ADGRB3: variants seen among roughly 807,000 people sequenced by gnomAD.
ADGRB3 encodes adhesion G protein-coupled receptor B3, also known as brain-specific angiogenesis inhibitor 3.
In ADGRB3, 37 loss-of-function variants were observed where a neutral mutation model predicts 193.4. The observed-to-expected ratio is 0.19, with a 90% CI of 0.15 to 0.25. The LOEUF (loss-of-function observed/expected upper bound fraction) is 0.25, where lower values mean the gene tolerates loss of function less well. Ranked by LOEUF, ADGRB3 falls within the 10% of genes least tolerant of loss-of-function variation. The probability of loss-of-function intolerance (pLI) is 1.00; values close to 1 mark genes in which losing one functional copy is unlikely to be tolerated. For synonymous variants in ADGRB3, 690 were observed against 644.2 expected (o/e 1.07, Z -1.08); for missense variants, 1,637 against 1,852.9 (o/e 0.88, Z 2.14).
chr6:68,931,587 TCAAGTA>T (rs1767339450), intron 4 of ADGRB3, among the ~76,000 whole-genome samples: 3 of 152,148 alleles, frequency 2.0e-5, no homozygotes, highest in Admixed American at 6.6e-5. Context: ...TACAGAAGTT[TCAAGTA>T]CATGACCAGT....
rs150127062 is a variant in ADGRB3, at chr6:69,143,183, T to C, written c.2480+67145T>C. ...CCAGTTTGCCATTTGTACGTCTTGT[T>C]TTGAGAAATATCTATTTAGGTGTTT... On this transcript the variant is annotated intron_variant, in intron 17 of 31. Transcript: ENST00000370598. Among the ~76,000 whole-genome samples, 26 of 152,340 alleles carry C rather than the reference T, an allele frequency of 1.7e-4. 1 individual carries two copies. The highest frequency in any genetic ancestry group is 5.5e-4 in the African/African-American group (23 of 41,578).
Position 68,942,694 on chromosome 6 carries a change from C to T in ADGRB3, c.1031-1136C>T, listed in dbSNP as rs527526410. Among the ~76,000 whole-genome samples, 3 of 152,064 alleles carry T rather than the reference C, an allele frequency of 2.0e-5. No homozygotes were observed. The East Asian group carries it at 5.8e-4, about 29-fold the overall frequency. On this transcript the variant is annotated intron_variant, in intron 5 of 31. Coordinates refer to ENST00000370598, the MANE Select transcript of ADGRB3 (RefSeq NM_001704.3). Reference sequence around the variant, plus strand: ...GGCATGATCTCACTTCACTGCAGCCCCCACCTTCCAGATTCAAGGGATTCT... The same window carrying T: ...GGCATGATCTCACTTCACTGCAGCCTCCACCTTCCAGATTCAAGGGATTCT...
intron 13 of ADGRB3, among the ~76,000 whole-genome samples, chr6:69,041,976 C>G (rs979155322): frequency 3.9e-5 from 6 of 152,154 alleles, no homozygotes; most frequent in African/African-American, 1.4e-4. Flanking sequence ...CTCATAATCC[C>G]CATGTGTCCT....
chr6:68,714,488 A>G (rs908494137), intron 3 of ADGRB3, among the ~76,000 whole-genome samples: 1 of 151,790 alleles, frequency 6.6e-6, no homozygotes, highest in African/African-American at 2.4e-5. Context: ...GATGAAAAAT[A>G]TTGAGGAGGT....
chr6:69,068,636 A>G (rs1332027653), intron 16 of ADGRB3, among the ~76,000 whole-genome samples: 2 of 152,152 alleles, frequency 1.3e-5, no homozygotes, highest in African/African-American at 4.8e-5. Context: ...ACTGCTTCCC[A>G]TATGACAAGT....
intron 10 of ADGRB3, among the ~76,000 whole-genome samples, chr6:68,991,209 T>C (rs1266670819): frequency 6.6e-6 from 1 of 152,160 alleles, no homozygotes; most frequent in African/African-American, 2.4e-5. Context: ...CTTAATCCTA[T>C]GACCTAACAA....
intron 20 of ADGRB3, among the ~76,000 whole-genome samples, chr6:69,308,044 T>C (rs994213282): frequency 6.6e-6 from 1 of 151,494 alleles, no homozygotes; most frequent in Non-Finnish European, 1.5e-5. Context: ...GTAAGAAGTT[T>C]TAGATGTCTA....
At chr6:69,296,440 G>A (rs962931997) in intron 20 of ADGRB3, among the ~76,000 whole-genome samples, 23 of 151,966 alleles carry the variant, frequency 1.5e-4, no homozygotes, top group Non-Finnish European at 2.6e-4. Context: ...TTCGGGACAT[G>A]GCAATATTTT....
intron 17 of ADGRB3, among the ~76,000 whole-genome samples, chr6:69,136,825 T>C (rs1774163149): frequency 6.6e-6 from 1 of 152,102 alleles, no homozygotes; most frequent in African/African-American, 2.4e-5. Context: ...AATTTATCTT[T>C]CTACTTTGAA....
intron 3 of ADGRB3, among the ~76,000 whole-genome samples, chr6:68,651,944 G>A (rs9454601): frequency 0.055 from 8,397 of 152,130 alleles, 749 homozygotes; most frequent in African/African-American, 0.19. Flanking sequence ...CCAAGTATGT[G>A]TAAGGACTGT....
intron 3 of ADGRB3, among the ~76,000 whole-genome samples, chr6:68,681,047 G>A (rs548261265): frequency 2.0e-5 from 3 of 152,212 alleles, no homozygotes; most frequent in South Asian, 2.1e-4. Context: ...GCCTCAAGAA[G>A]CTTTCATCAT....
chr6:69,024,311 G>GT (rs1770359965), intron 13 of ADGRB3, among the ~76,000 whole-genome samples: 1 of 152,128 alleles, frequency 6.6e-6, no homozygotes, highest in African/African-American at 2.4e-5. Context: ...ATAAAGTTCA[G>GT]TGTCTTAAGT....
intron 29 of ADGRB3, among the ~76,000 whole-genome samples, chr6:69,371,930 TG>T (rs1769715726): frequency 1.3e-5 from 2 of 152,112 alleles, no homozygotes; most frequent in Admixed American, 6.5e-5. Flanking sequence ...TGAAGAACTT[TG>T]GGACTTAGAG....
intron 26 of ADGRB3, among the ~76,000 whole-genome samples, chr6:69,351,267 A>AT (rs1442357692): frequency 2.0e-5 from 3 of 150,396 alleles, no homozygotes; most frequent in South Asian, 2.1e-4. Context: ...TAATTTTTGT[A>AT]TTTTTTTAGT....
chr6:69,101,323 C>T (rs1351338036), intron 17 of ADGRB3, among the ~76,000 whole-genome samples: 2 of 152,008 alleles, frequency 1.3e-5, no homozygotes, highest in Admixed American at 6.5e-5. Context: ...AAAAATTTGC[C>T]TAAATTTTAT....
intron 3 of ADGRB3, among the ~76,000 whole-genome samples, chr6:68,832,846 A>G (rs906667391): frequency 2.0e-5 from 3 of 152,168 alleles, no homozygotes; most frequent in Admixed American, 6.5e-5. Flanking sequence ...GGAGAACACT[A>G]TCTGTTCTGT....
intron 20 of ADGRB3, among the ~76,000 whole-genome samples, chr6:69,285,017 C>CA (rs1442949085): frequency 5.9e-5 from 9 of 151,984 alleles, no homozygotes; most frequent in East Asian, 3.9e-4. Flanking sequence ...AGTTGACAAT[C>CA]AAAAAAACAC....
chr6:69,101,265 T>C (rs1209068614), intron 17 of ADGRB3, among the ~76,000 whole-genome samples: 2 of 152,122 alleles, frequency 1.3e-5, no homozygotes, highest in Non-Finnish European at 2.9e-5. Flanking sequence ...TTAACGCATA[T>C]AGCATGTATG....
chr6:69,315,825 A>G (rs1582626764), intron 20 of ADGRB3, among the ~76,000 whole-genome samples: 1 of 151,466 alleles, frequency 6.6e-6, no homozygotes, highest in East Asian at 1.9e-4. Context: ...CTTTATATGT[A>G]GGAATTAGTT....
Sources: allele counts gnomAD v4.1 joint callset (sites outside exome capture counted in the v4.1 genomes callset), GRCh38; gene constraint gnomAD v4.1.1; transcripts MANE v1.5; gene names NCBI Gene and HGNC (gene_info 2026-07-23, HGNC 2026-07-21).